Variants in ELAPOR2 observed in about 807,000 individuals in gnomAD.
The protein encoded by ELAPOR2 is endosome/lysosome-associated apoptosis and autophagy regulator family member 2.
A neutral mutation model predicts 120.7 loss-of-function variants in ELAPOR2; 89 were observed. That is an observed-to-expected ratio of 0.74 (90% confidence interval 0.62 to 0.88). The LOEUF is 0.88. Among genes scored for constraint, ELAPOR2 ranks in the 40% least tolerant of loss-of-function variants. ELAPOR2 has a pLI of 0.00. For missense variants in ELAPOR2, 1,134 were observed against 1,251.6 expected (o/e 0.91, Z 1.42); for synonymous variants, 444 against 444.9 (o/e 1.00, Z 0.03).
At chr7:86,964,088 T>A (rs1791818035) in intron 2 of ELAPOR2, among the ~76,000 whole-genome samples, 1 of 152,200 alleles carries the variant, frequency 6.6e-6, no homozygotes, top group African/African-American at 2.4e-5. Flanking sequence ...AGAATTTGCT[T>A]GCCTGATCTT....
chr7:87,010,956 TTAGA>T (rs1196990608), intron 1 of ELAPOR2, among the ~76,000 whole-genome samples: 5 of 151,962 alleles, frequency 3.3e-5, no homozygotes, highest in Non-Finnish European at 7.4e-5. Context: ...CTGTCCTGGA[TTAGA>T]TAAATTTTTA....
chr7:87,052,770 T>C (rs1462778521), intron 1 of ELAPOR2, among the ~76,000 whole-genome samples: 1 of 141,162 alleles, frequency 7.1e-6, no homozygotes, highest in Non-Finnish European at 1.5e-5. Flanking sequence ...TCACAGGGTT[T>C]GTTTTCTTTT....
At chr7:86,971,346 T>C (rs997390793) in intron 1 of ELAPOR2, among the ~76,000 whole-genome samples, 14 of 152,138 alleles carry the variant, frequency 9.2e-5, no homozygotes, top group Non-Finnish European at 2.1e-4. Flanking sequence ...TTTCAAAAAA[T>C]GAACATTCTA....
At chr7:86,938,331 T>C (rs1790651752) in intron 7 of ELAPOR2, 117 bp from the exon 8 acceptor site, 1 of 706,784 alleles carries the variant, frequency 1.4e-6, no homozygotes, top group Non-Finnish European at 2.4e-6. Context: ...ACCAGGGCAA[T>C]TTAGGTAGAA....
intron 21 of ELAPOR2, among the ~76,000 whole-genome samples, chr7:86,889,285 T>C (rs1466204254): frequency 2.0e-5 from 3 of 151,984 alleles, no homozygotes; most frequent in African/African-American, 7.2e-5. Context: ...TCTTGTTGGA[T>C]TGCCATGACC....
chr7:86,996,831 T>C (rs1793141023), intron 1 of ELAPOR2, among the ~76,000 whole-genome samples: 1 of 152,200 alleles, frequency 6.6e-6, no homozygotes, highest in African/African-American at 2.4e-5. Flanking sequence ...CTCCCATGCC[T>C]GGCAAACACT....
At chr7:87,002,020 T>TC (rs1307064234) in intron 1 of ELAPOR2, among the ~76,000 whole-genome samples, 3 of 152,122 alleles carry the variant, frequency 2.0e-5, no homozygotes, top group African/African-American at 7.2e-5. Context: ...TGCTATTGTG[T>TC]CAGGTATGGC....
Position 86,974,952 on chromosome 7 carries a change from G to A in ELAPOR2, c.190-9928C>T, listed in dbSNP as rs1217228488. ...CAAGGCTTTAAAGGCCAGGTCATAA[G>A]TAAGACACAGGTCAGATAAGTTCTG... On this transcript the variant is annotated intron_variant, in intron 1 of 21. Coordinates refer to ENST00000450689, the MANE Select transcript of ELAPOR2 (RefSeq NM_001142749.3). Among the ~76,000 whole-genome samples the A allele has an allele frequency of 2.6e-5, 4 of 152,202 alleles. No homozygotes were observed. The South Asian group carries it at 8.3e-4, about 31-fold the overall frequency.
chr7:86,916,353 C>A (rs1789568559), intron 12 of ELAPOR2, among the ~76,000 whole-genome samples: 1 of 152,108 alleles, frequency 6.6e-6, no homozygotes, highest in South Asian at 2.1e-4. Context: ...GATTGGAGTT[C>A]ATCAGACAAA....
At chr7:86,938,550 T>C (rs1790664309) in intron 7 of ELAPOR2, among the ~76,000 whole-genome samples, 1 of 152,050 alleles carries the variant, frequency 6.6e-6, no homozygotes, top group Non-Finnish European at 1.5e-5. Context: ...GTATAAACAT[T>C]TTTAGATTAG....
chr7:86,931,165 G>A (rs1457979024), intron 8 of ELAPOR2, among the ~76,000 whole-genome samples: 2 of 151,852 alleles, frequency 1.3e-5, no homozygotes, highest in Non-Finnish European at 2.9e-5. Flanking sequence ...CTGAAAACTG[G>A]GTACAGGAAT....
At position 86,908,510 on chromosome 7, in the gene ELAPOR2, T is replaced by C. The variant is rs532267677; in HGVS notation, c.2393A>G (p.Asn798Ser). Reference protein sequence around the residue: ...VTVETTLKNINIKEDMFPVPT... With the variant: ...VTVETTLKNISIKEDMFPVPT... ...AACTGGGAACATATCTTCTTTTATA[T>C]TAATATTTTTCAATGTGGTTTCAAC... is the stretch of plus-strand genomic sequence containing the variant. The change falls in exon 17 of 22, where the codon AAT becomes AGT. Residue 798 changes from asparagine to serine, a missense_variant. Transcript: ENST00000450689. 2.5e-6 allele frequency: 4 copies of C among 1,578,944 alleles called. No individual in the cohort carries two copies. Among genetic ancestry groups the C allele is most frequent in the African/African-American group, 2.7e-5 (2 of 73,136 alleles).
At chr7:87,004,033 C>A (rs774367219) in intron 1 of ELAPOR2, among the ~76,000 whole-genome samples, 1 of 152,090 alleles carries the variant, frequency 6.6e-6, no homozygotes, top group Non-Finnish European at 1.5e-5. Flanking sequence ...ACAAAGCCAT[C>A]TAAAAAGTCA....
intron 1 of ELAPOR2, among the ~76,000 whole-genome samples, chr7:87,057,072 C>T (rs1245558863): frequency 6.6e-6 from 1 of 152,146 alleles, no homozygotes; most frequent in African/African-American, 2.4e-5. Flanking sequence ...TTAATGTTAA[C>T]AAAAAGTGGA....
chr7:87,008,924 G>A (rs1793568868), intron 1 of ELAPOR2, among the ~76,000 whole-genome samples: 1 of 151,882 alleles, frequency 6.6e-6, no homozygotes, highest in Non-Finnish European at 1.5e-5. Flanking sequence ...AAGGAATCGG[G>A]GAAACATAAG....
chr7:86,938,773 T>G, intron 7 of ELAPOR2, 35 bp downstream of exon 7: 1 of 1,607,346 alleles, frequency 6.2e-7, no homozygotes, highest in South Asian at 1.1e-5. Context: ...AACATACATT[T>G]AGAAAGAAAA....
rs897829419 is a variant in ELAPOR2, at chr7:86,878,483, T to C, written c.*1988A>G. On this transcript the variant is annotated 3_prime_UTR_variant, in exon 22 of 22. Transcript: ENST00000450689. ...TGACATGTCAGAGATTTTAGTCCAGTGACAGGAGAAGAAAGAAGCTACCTG... is the reference window on the plus strand; with the variant it reads ...TGACATGTCAGAGATTTTAGTCCAGCGACAGGAGAAGAAAGAAGCTACCTG... The C allele has an allele frequency of 2.0e-5, 3 of 152,314 alleles. No homozygotes were observed. The highest frequency in any genetic ancestry group is 6.5e-5 in the Admixed American group (1 of 15,284). 9.4% of individuals were successfully genotyped at this position (152,314 alleles called of 1,614,324 possible).
chr7:87,001,790 A>C (rs1467030333), intron 1 of ELAPOR2, among the ~76,000 whole-genome samples: 1 of 152,162 alleles, frequency 6.6e-6, no homozygotes, highest in African/African-American at 2.4e-5. Flanking sequence ...CAAAAAGAAG[A>C]AATGTATAGC....
intron 2 of ELAPOR2, among the ~76,000 whole-genome samples, chr7:86,963,915 T>C (rs1301839786): frequency 6.6e-6 from 1 of 152,218 alleles, no homozygotes; most frequent in African/African-American, 2.4e-5. Context: ...AATTCACTCA[T>C]TAATATCATT....
Sources: allele counts gnomAD v4.1 joint callset (sites outside exome capture counted in the v4.1 genomes callset), GRCh38; gene constraint gnomAD v4.1.1; transcripts MANE v1.5; gene names NCBI Gene and HGNC (gene_info 2026-07-23, HGNC 2026-07-21).